RSRC1: variants seen among roughly 807,000 people sequenced by gnomAD.
RSRC1 encodes serine/Arginine-related protein 53.
A neutral mutation model predicts 49.1 loss-of-function variants in RSRC1; 39 were observed. The observed-to-expected ratio is 0.79, with a 90% CI of 0.61 to 1.04. The LOEUF is 1.04. Ranked by LOEUF, RSRC1 falls within the 50% of genes least tolerant of loss-of-function variation. The probability of loss-of-function intolerance (pLI) is 0.00; values close to 1 mark genes in which losing one functional copy is unlikely to be tolerated. For synonymous variants in RSRC1, 143 were observed against 130.8 expected (o/e 1.09, Z -0.63); for missense variants, 388 against 402.4 (o/e 0.96, Z 0.31).
intron 7 of RSRC1, among the ~76,000 whole-genome samples, chr3:158,476,007 C>T: frequency 6.6e-6 from 1 of 152,134 alleles, no homozygotes; most frequent in East Asian, 1.9e-4. Flanking sequence ...AGGGCTACTC[C>T]AGTGAACATA....
chr3:158,221,420 G>T (rs698976), intron 4 of RSRC1, among the ~76,000 whole-genome samples: 97,493 of 150,528 alleles, frequency 0.65, 31,818 homozygotes, highest in East Asian at 0.84. Context: ...GAGAAACATG[G>T]TATGCAGTAT....
At chr3:158,464,121 A>G (rs1737756738) in intron 7 of RSRC1, among the ~76,000 whole-genome samples, 1 of 151,920 alleles carries the variant, frequency 6.6e-6, no homozygotes, top group Non-Finnish European at 1.5e-5. Context: ...TAATTGACTT[A>G]CTCTTTTTCT....
At chr3:158,276,372 A>G in intron 4 of RSRC1, 1 of 779,572 alleles carries the variant, frequency 1.3e-6, no homozygotes, top group Non-Finnish European at 2.3e-6. Context: ...GCGCATGATG[A>G]CATCAGGCTG....
chr3:158,407,580 G>A (rs568969632), intron 6 of RSRC1, among the ~76,000 whole-genome samples: 19 of 152,204 alleles, frequency 1.2e-4, no homozygotes, highest in African/African-American at 4.1e-4. Flanking sequence ...GTGATTCTTT[G>A]TAATATGTAA....
chr3:158,224,597 T>C (rs1722417182), intron 4 of RSRC1, among the ~76,000 whole-genome samples: 1 of 151,838 alleles, frequency 6.6e-6, no homozygotes, highest in Non-Finnish European at 1.5e-5. Flanking sequence ...TCTCATTTCC[T>C]CTGTATAAAT....
At chr3:158,508,735 T>C (rs1740001382) in intron 7 of RSRC1, among the ~76,000 whole-genome samples, 1 of 152,222 alleles carries the variant, frequency 6.6e-6, no homozygotes, top group African/African-American at 2.4e-5. Flanking sequence ...CGCTCATTAG[T>C]CACTTCGTTG....
At chr3:158,204,468 A>G (rs372302772) in intron 4 of RSRC1, among the ~76,000 whole-genome samples, 14 of 152,290 alleles carry the variant, frequency 9.2e-5, no homozygotes, top group African/African-American at 2.6e-4. Context: ...GGATTGTGAA[A>G]TGTTACAGGA....
At chr3:158,326,813 C>T (rs1028752937) in intron 5 of RSRC1, among the ~76,000 whole-genome samples, 4 of 152,184 alleles carry the variant, frequency 2.6e-5, no homozygotes, top group Non-Finnish European at 5.9e-5. Context: ...GGTACCAGCT[C>T]CTCCTTGTAC....
At chr3:158,118,564 G>A (rs1251805725) in intron 1 of RSRC1, among the ~76,000 whole-genome samples, 2 of 152,058 alleles carry the variant, frequency 1.3e-5, no homozygotes, top group Non-Finnish European at 1.5e-5. Flanking sequence ...GGATCATCCT[G>A]TCATATGCAT....
chr3:158,260,095 G>C (rs1183466298), intron 4 of RSRC1, among the ~76,000 whole-genome samples: 2 of 151,582 alleles, frequency 1.3e-5, no homozygotes, highest in African/African-American at 4.9e-5. Flanking sequence ...TGGTAGCCAA[G>C]CTGCAAGACA....
chr3:158,320,138 C>G (rs1209829227), intron 5 of RSRC1, among the ~76,000 whole-genome samples: 1 of 152,186 alleles, frequency 6.6e-6, no homozygotes, highest in African/African-American at 2.4e-5. Context: ...ATTACAATCA[C>G]TCAGGAGCCT....
At chr3:158,168,310 T>C (rs1718657421) in intron 3 of RSRC1, among the ~76,000 whole-genome samples, 1 of 152,170 alleles carries the variant, frequency 6.6e-6, no homozygotes, top group Non-Finnish European at 1.5e-5. Context: ...CAAGAATTAG[T>C]CATACCCACT....
At chr3:158,369,074 T>C (rs1290506196) in intron 6 of RSRC1, among the ~76,000 whole-genome samples, 2 of 152,074 alleles carry the variant, frequency 1.3e-5, no homozygotes, top group African/African-American at 4.8e-5. Flanking sequence ...AACAAAAATA[T>C]GATTCATGAA....
intron 4 of RSRC1, among the ~76,000 whole-genome samples, chr3:158,283,287 AT>A (rs1300177075): frequency 6.6e-6 from 1 of 151,664 alleles, no homozygotes; most frequent in African/African-American, 2.4e-5. Flanking sequence ...TGCTGTGAGG[AT>A]TTTTTTAAAA....
At position 158,516,356 on chromosome 3, in the gene RSRC1, G is replaced by A. The variant is rs1220681524; in HGVS notation, c.653-20736G>A. Among the ~76,000 whole-genome samples the A allele has an allele frequency of 5.3e-5, 8 of 151,630 alleles. No homozygotes were observed. The East Asian group carries it at 5.8e-4, about 11-fold the overall frequency. ...TGCAGGTCTGTTGGAGTACCCGGCC[G>A]TGTGAGGTGTCAGTGTGCCCCTGCT... On this transcript the variant is annotated intron_variant, in intron 7 of 9. Transcript: ENST00000611884.
intron 6 of RSRC1, among the ~76,000 whole-genome samples, chr3:158,404,079 G>T (rs1734029235): frequency 6.6e-6 from 1 of 151,710 alleles, no homozygotes; most frequent in East Asian, 1.9e-4. Context: ...ATAGTCCTTG[G>T]GGGTGACAGC....
chr3:158,162,677 T>A (rs1052657110), intron 3 of RSRC1, among the ~76,000 whole-genome samples: 1 of 152,170 alleles, frequency 6.6e-6, no homozygotes, highest in Non-Finnish European at 1.5e-5. Flanking sequence ...CTGGAGGAAA[T>A]TTGTTTTGAC....
intron 5 of RSRC1, among the ~76,000 whole-genome samples, chr3:158,326,477 A>G (rs1424797232): frequency 2.6e-5 from 4 of 152,114 alleles, no homozygotes; most frequent in South Asian, 2.1e-4. Context: ...TTCTGCATCT[A>G]TTGAGATAAT....
intron 3 of RSRC1, among the ~76,000 whole-genome samples, chr3:158,165,483 G>T (rs1718481109): frequency 6.6e-6 from 1 of 152,212 alleles, no homozygotes; most frequent in Non-Finnish European, 1.5e-5. Flanking sequence ...GCCATTTTAA[G>T]GTTCATTTAA....
Sources: allele counts gnomAD v4.1 joint callset (sites outside exome capture counted in the v4.1 genomes callset), GRCh38; gene constraint gnomAD v4.1.1; transcripts MANE v1.5; gene names NCBI Gene and HGNC (gene_info 2026-07-23, HGNC 2026-07-21).